The following DCDC1 variants were observed in gnomAD, a reference collection of about 807,000 sequenced individuals.
DCDC1 encodes doublecortin domain-containing protein 1.
DCDC1 carries 200 observed loss-of-function variants against 178.3 expected under a neutral mutation model. That is an observed-to-expected ratio of 1.12 (90% confidence interval 1.00 to 1.26). The LOEUF (loss-of-function observed/expected upper bound fraction) is 1.26, where lower values mean the gene tolerates loss of function less well. Among genes scored for constraint, DCDC1 ranks in the 50% most tolerant of loss-of-function variants. The pLI is 0.00. For synonymous variants in DCDC1, 690 were observed against 604.8 expected (o/e 1.14, Z -2.07); for missense variants, 1,983 against 1,749.2 (o/e 1.13, Z -2.38).
chr11:31,243,191 T>A (rs990513923), intron 8 of DCDC1, among the ~76,000 whole-genome samples: 1 of 151,754 alleles, frequency 6.6e-6, no homozygotes, highest in African/African-American at 2.4e-5. Flanking sequence ...ATATTCAGAA[T>A]TATAACTCTT....
intron 20 of DCDC1, among the ~76,000 whole-genome samples, chr11:30,983,916 A>C (rs1439227237): frequency 6.6e-6 from 1 of 152,164 alleles, no homozygotes; most frequent in Non-Finnish European, 1.5e-5. Flanking sequence ...GGGCGATATA[A>C]TCGAAGGTTC....
At chr11:31,313,475 T>A (rs1221480374) in intron 3 of DCDC1, among the ~76,000 whole-genome samples, 1 of 152,222 alleles carries the variant, frequency 6.6e-6, no homozygotes, top group Non-Finnish European at 1.5e-5. Flanking sequence ...AGCTCCAGAA[T>A]ATTCCTTGCT....
intron 8 of DCDC1, among the ~76,000 whole-genome samples, chr11:31,255,600 T>C (rs1410372081): frequency 6.6e-6 from 1 of 152,216 alleles, no homozygotes; most frequent in Non-Finnish European, 1.5e-5. Flanking sequence ...TGTCTTTTCA[T>C]GTGCTTGTTG....
intron 6 of DCDC1, among the ~76,000 whole-genome samples, chr11:31,295,817 A>C (rs1591675469): frequency 6.6e-6 from 1 of 152,128 alleles, no homozygotes; most frequent in Non-Finnish European, 1.5e-5. Flanking sequence ...GCGGTAAAGG[A>C]AGGGAGGGAG....
chr11:31,295,607 G>T (rs1947629660), intron 6 of DCDC1, among the ~76,000 whole-genome samples: 1 of 152,166 alleles, frequency 6.6e-6, no homozygotes, highest in Admixed American at 6.5e-5. Flanking sequence ...GCCTCAAAGG[G>T]GAGCAATTCT....
chr11:30,976,716 C>G (rs1473336594), intron 20 of DCDC1, among the ~76,000 whole-genome samples: 1 of 152,036 alleles, frequency 6.6e-6, no homozygotes, highest in African/African-American at 2.4e-5. Flanking sequence ...AAAAGAAACT[C>G]TTATACACTG....
intron 9 of DCDC1, among the ~76,000 whole-genome samples, chr11:31,180,807 T>A (rs1460414897): frequency 2.6e-5 from 4 of 150,956 alleles, no homozygotes; most frequent in African/African-American, 4.9e-5. Context: ...GCTGCAGGAG[T>A]TTTTTTGTTG....
chr11:30,873,911 C>T (rs1196682617), intron 38 of DCDC1, among the ~76,000 whole-genome samples: 3 of 152,138 alleles, frequency 2.0e-5, no homozygotes, highest in South Asian at 4.2e-4. Context: ...GCTTAATGAA[C>T]ATGGAAAGCT....
intron 20 of DCDC1, among the ~76,000 whole-genome samples, chr11:31,024,508 T>C (rs2135230725): frequency 6.6e-6 from 1 of 152,098 alleles, no homozygotes; most frequent in East Asian, 1.9e-4. Flanking sequence ...TTGTAAATCT[T>C]ATGTGTGTTT....
At chr11:31,052,568 A>C (rs1955330769) in intron 20 of DCDC1, among the ~76,000 whole-genome samples, 1 of 152,192 alleles carries the variant, frequency 6.6e-6, no homozygotes, top group African/African-American at 2.4e-5. Context: ...TCAACAGTGC[A>C]TGGAACTTTC....
In DCDC1 at chr11:31,357,388, CG is replaced by C. The variant is rs1200765555; in HGVS notation, c.-125+12308del. 2.0e-3 allele frequency among the ~76,000 whole-genome samples: 278 copies of C among 140,952 alleles called. 1 individual carries two copies. Among genetic ancestry groups the C allele is most frequent in the African/African-American group, 4.3e-3 (160 of 36,830 alleles). 92.5% of individuals were successfully genotyped at this position (140,952 alleles called of 152,430 possible). ...AAAGGCCTTTGACAAAATTCAACTA[CG>C]CTTCATGCTAAAAACTCTCAATAAA... On this transcript the variant is annotated intron_variant, in intron 1 of 38. Coordinates refer to ENST00000684477, the MANE Select transcript of DCDC1 (RefSeq NM_001387274.1).
intron 20 of DCDC1, among the ~76,000 whole-genome samples, chr11:31,021,724 C>G (rs1479765439): frequency 2.0e-5 from 3 of 152,062 alleles, no homozygotes; most frequent in East Asian, 3.9e-4. Flanking sequence ...CTTAAGATAA[C>G]TAATTTAAAA....
intron 20 of DCDC1, among the ~76,000 whole-genome samples, chr11:31,037,429 T>C (rs571307324): frequency 1.9e-5 from 1 of 53,832 alleles, no homozygotes; most frequent in Non-Finnish European, 3.5e-5. Flanking sequence ...TAAATATTTC[T>C]TTCTTTTTTT....
intron 20 of DCDC1, among the ~76,000 whole-genome samples, chr11:30,999,286 TA>T (rs1182590952): frequency 6.6e-6 from 1 of 152,170 alleles, no homozygotes; most frequent in South Asian, 2.1e-4. Flanking sequence ...TCTGATTTAT[TA>T]GTTCTGATAA....
chr11:31,307,668 T>G lies in DCDC1; in HGVS notation c.405A>C (p.Arg135Ser). 1.9e-6 allele frequency: 3 copies of G among 1,614,040 alleles called. No homozygotes were observed. Among genetic ancestry groups the G allele is most frequent in the Non-Finnish European group, 2.5e-6 (3 of 1,179,944 alleles). ...SCSISASKRN[R>S]PVSAPVGQLR... ...GTTGACCCACTGGAGCACTGACAGG[T>G]CTGTTTCTCTTGGATGCTGATATAG... The change falls in exon 4 of 39, where the codon AGA (arginine) becomes AGC (serine). Residue 135 changes from arginine to serine, a missense_variant. Coordinates refer to ENST00000684477, the MANE Select transcript of DCDC1 (RefSeq NM_001387274.1).
chr11:31,213,318 T>C (rs1005507306), intron 9 of DCDC1, among the ~76,000 whole-genome samples: 2 of 151,870 alleles, frequency 1.3e-5, no homozygotes, highest in African/African-American at 4.8e-5. Context: ...CATTGGTAAG[T>C]AGAGACTGGA....
chr11:31,185,250 G>A (rs1183384128), intron 9 of DCDC1, among the ~76,000 whole-genome samples: 2 of 152,096 alleles, frequency 1.3e-5, no homozygotes, highest in African/African-American at 4.8e-5. Context: ...CACACACAGG[G>A]GCCTGTTGGG....
chr11:30,900,096 C>T (rs1944551474), intron 33 of DCDC1, among the ~76,000 whole-genome samples: 1 of 152,026 alleles, frequency 6.6e-6, no homozygotes, highest in African/African-American at 2.4e-5. Context: ...ATCTCTTTAT[C>T]AACTAAATTA....
chr11:31,157,657 C>G (rs1487991134), intron 9 of DCDC1, among the ~76,000 whole-genome samples: 1 of 151,776 alleles, frequency 6.6e-6, no homozygotes, highest in Non-Finnish European at 1.5e-5. Context: ...AAACAGGAAG[C>G]AGAATGGTGG....
Sources: gnomAD v4.1 joint callset for allele counts (sites outside exome capture counted in the v4.1 genomes callset) on GRCh38, gnomAD v4.1.1 for gene constraint, MANE v1.5 for transcripts, NCBI Gene and HGNC (gene_info 2026-07-23, HGNC 2026-07-21) for gene names.